C6orf136: variants seen among roughly 807,000 people sequenced by gnomAD.
C6orf136 encodes the protein uncharacterized protein C6orf136.
A neutral mutation model predicts 44.0 loss-of-function variants in C6orf136; 29 were observed. The ratio of observed to expected loss-of-function variants is 0.66; its 90% confidence interval spans 0.49 to 0.90. The LOEUF is 0.90. Ranked by LOEUF, C6orf136 falls within the 40% of genes least tolerant of loss-of-function variation. C6orf136 has a pLI of 0.00. For missense variants in C6orf136, 628 were observed against 669.3 expected, an observed-to-expected ratio of 0.94 and a Z score of 0.68; for synonymous variants, 293 against 278.6, an observed-to-expected ratio of 1.05 and a Z score of -0.52.
At position 30,649,583 on chromosome 6, in the gene C6orf136, C is replaced by T. The variant is rs748124689; in HGVS notation, c.641C>T (p.Pro214Leu). 1.3e-6 allele frequency: 2 copies of T among 1,586,846 alleles called. No individual in the cohort carries two copies. Among genetic ancestry groups the T allele is most frequent in the Non-Finnish European group, 1.7e-6 (2 of 1,173,220 alleles). ...TEDQLYPGTL[P>L]FPPLWPHSTT... ...GACCAGCTTTATCCAGGGACTCTAC[C>T]ATTCCCACCCCTTTGGCCCCACTCC... Residue 214 changes from proline to leucine, a missense_variant, in exon 2 of 6, where the codon CCA (proline) becomes CTA (leucine). By Grantham distance (98) the Pro-to-Leu change is moderately conservative. This residue lies in a region of C6orf136 where 497 missense variants were observed against 469.2 expected (regional missense o/e 1.06). Coordinates refer to ENST00000651131, the MANE Select transcript of C6orf136 (RefSeq NM_001161376.2).
intron 4 of C6orf136, 116 bp downstream of exon 4, chr6:30,651,582 C>T (rs1443469167): frequency 3.6e-5 from 36 of 987,552 alleles, no homozygotes; most frequent in Non-Finnish European, 5.3e-5. Flanking sequence ...TCTCAGCTCA[C>T]TGCAGCCTCT....
In C6orf136 at chr6:30,647,693, G is replaced by A. The variant is rs1347034005; in HGVS notation, c.462G>A (p.Gly154=). ...RSSPAQTRPA[G]RPQQPARLAL... is the part of the protein sequence containing the mutation. The stretch of plus-strand genomic sequence containing the variant: ...CCCCGGCCCAGACCAGACCCGCGGG[G>A]CGCCCTCAGCAGCCCGCCCGTCTTG... The change falls in exon 1 of 6, where the codon GGG becomes GGA. Residue 154 remains glycine, a synonymous_variant. Coordinates refer to ENST00000651131, the MANE Select transcript of C6orf136 (RefSeq NM_001161376.2). This position sits in a 1 kb window ranked among gnomAD's most constrained non-coding sequence, Gnocchi z 4.8. 6.5e-7 allele frequency: 1 copy of A among 1,550,118 alleles called. No homozygotes were observed. The highest frequency in any genetic ancestry group is 8.7e-7 in the Non-Finnish European group (1 of 1,146,706).
rs554341893 is a variant in C6orf136 at position 30,652,932 on chromosome 6, G to A, written c.*17G>A. ...AAGCCCTGATCCTTGACCTTGGAGT[G>A]GAGGCAGCACTGAAGACTGCTACGC... is the stretch of plus-strand genomic sequence containing the variant. On this transcript the variant is annotated 3_prime_UTR_variant, in exon 6 of 6. Transcript: ENST00000651131. 4.4e-6 allele frequency: 7 copies of A among 1,602,192 alleles called. No individual in the cohort carries two copies. In the African/African-American group the frequency reaches 5.3e-5, roughly 12 times the overall value.
In C6orf136 at chr6:30,647,352, T is replaced by G; in HGVS notation, c.121T>G (p.Ser41Ala). 1 of 1,537,898 alleles carries G rather than the reference T, an allele frequency of 6.5e-7. No individual in the cohort carries two copies. Among genetic ancestry groups the G allele is most frequent in the Non-Finnish European group, 8.7e-7 (1 of 1,148,248 alleles). Residue 41 changes from serine to alanine, a missense_variant, in exon 1 of 6, where the codon TCC becomes GCC. Ser to Ala is a moderately conservative substitution (Grantham distance 99). This residue lies in a region of C6orf136 where 497 missense variants were observed against 469.2 expected (regional missense o/e 1.06). Transcript: ENST00000651131. This position sits in a 1 kb window ranked among gnomAD's most constrained non-coding sequence, Gnocchi z 4.8. ...GAGGAGAGGGGGCGGGGAGAGACCC[T>G]CCTCAAAGCCGGTGCGTGGGGCGGA... ...GGRRGGGERP[S>A]SKPVRGAERA...
At position 30,649,713 on chromosome 6, in the gene C6orf136, C is replaced by A. The variant is rs1048181898; in HGVS notation, c.771C>A (p.Ile257=). ...PQVPPLPLPQ[I]QALSSAWVVL... ...TTCCCCCACTACCTCTCCCTCAGAT[C>A]CAGGCCCTCAGCTCAGCATGGGTGG... is the stretch of plus-strand genomic sequence containing the variant. Residue 257 remains isoleucine, a synonymous_variant, in exon 2 of 6, where the codon ATC becomes ATA. Coordinates refer to ENST00000651131, the MANE Select transcript of C6orf136 (RefSeq NM_001161376.2). 3 of 1,612,998 alleles carry A rather than the reference C, an allele frequency of 1.9e-6. No individual in the cohort carries two copies. In the African/African-American group the frequency reaches 4.0e-5, roughly 22 times the overall value.
At position 30,651,455 on chromosome 6, in the gene C6orf136, C is replaced by T. The variant is rs369215354; in HGVS notation, c.1296C>T (p.Asp432=). 103 of 1,607,712 alleles carry T rather than the reference C, an allele frequency of 6.4e-5. No homozygotes were observed. The African/African-American group carries it at 9.4e-4, about 15-fold the overall frequency. The part of the protein sequence containing the change: ...LFLRFYKRDK[D]EHYRTYDAYS... ...TGCGGTTCTACAAGCGTGACAAAGA[C>T]GAGCATTACCGGTAAGAGAGAAATG... The change falls in exon 4 of 6, where the codon GAC becomes GAT. Residue 432 remains aspartate, a synonymous_variant. Transcript: ENST00000651131.
Position 30,649,782 on chromosome 6 carries a change from G to A in C6orf136, c.840G>A (p.Leu280=). The change falls in exon 2 of 6, where the codon TTG becomes TTA. Residue 280 remains leucine (L), a synonymous_variant. Coordinates refer to ENST00000651131, the MANE Select transcript of C6orf136 (RefSeq NM_001161376.2). ...GGGAGGAGGGACCAGGACCTGAGTT[G>A]CATAGCGGCTGCCTGGATGGGCTTA... ...GKGEEGPGPE[L]HSGCLDGLRS... is the part of the protein sequence containing the mutation. 6.2e-7 allele frequency: 1 copy of A among 1,614,102 alleles called. No individual in the cohort carries two copies. The highest frequency in any genetic ancestry group is 8.5e-7 in the Non-Finnish European group (1 of 1,180,014).
Position 30,647,253 on chromosome 6 carries a change from G to T in C6orf136, c.22G>T (p.Ala8Ser), listed in dbSNP as rs1336233722. The change falls in exon 1 of 6, where the codon GCG becomes TCG. Residue 8 changes from alanine to serine, a missense_variant. Ala to Ser is a moderately conservative substitution (Grantham distance 99, BLOSUM62 1). Around this residue, in one of 2 missense-constraint regions of C6orf136, gnomAD observed 497 missense variants for 469.2 expected, o/e 1.06. Transcript: ENST00000651131. This position sits in a 1 kb window ranked among gnomAD's most constrained non-coding sequence, Gnocchi z 4.8. ...GATCATGTACCAGCCCAGCCGGGGT[G>T]CGGCCCGGCGTCTCGGCCCTTGCCT... MYQPSRG[A>S]ARRLGPCLRA... is the part of the protein sequence containing the mutation. 1 of 1,596,786 alleles carries T rather than the reference G, an allele frequency of 6.3e-7. No homozygotes were observed. The highest frequency in any genetic ancestry group is 8.5e-7 in the Non-Finnish European group (1 of 1,174,312).
At position 30,647,709 on chromosome 6, in the gene C6orf136, G is replaced by C; in HGVS notation, c.478G>C (p.Ala160Pro). The change falls in exon 1 of 6, where the codon GCC (alanine) becomes CCC (proline). Residue 160 changes from alanine to proline, a missense_variant. Ala to Pro is a conservative substitution (Grantham distance 27, BLOSUM62 -1). Coordinates refer to ENST00000651131, the MANE Select transcript of C6orf136 (RefSeq NM_001161376.2). The surrounding 1 kb of genome is among the most constrained non-coding windows in gnomAD (Gnocchi z 4.8). The part of the protein sequence containing the change: ...TRPAGRPQQP[A>P]RLALGERSWQ... ...ACCCGCGGGGCGCCCTCAGCAGCCC[G>C]CCCGTCTTGCACTCGGAGAGCGGTC... 2.6e-6 allele frequency: 4 copies of C among 1,550,050 alleles called. No individual in the cohort carries two copies. The highest frequency in any genetic ancestry group is 2.6e-6 in the Non-Finnish European group (3 of 1,146,706).
In C6orf136 at chr6:30,647,948, C is replaced by T; in HGVS notation, c.615+102C>T. ...GTGAGGCCTAACTTTGGGTGACCTC[C>T]CCTTGCAGTTTCAACGTCGGTAAAC... On this transcript the variant is annotated intron_variant, in intron 1 of 5. Coordinates refer to ENST00000651131, the MANE Select transcript of C6orf136 (RefSeq NM_001161376.2). This position sits in a 1 kb window ranked among gnomAD's most constrained non-coding sequence, Gnocchi z 4.8. 7.1e-7 allele frequency: 1 copy of T among 1,403,134 alleles called. No homozygotes were observed. The highest frequency in any genetic ancestry group is 1.5e-5 in the African/African-American group (1 of 67,488). The allele number at this position is 1,403,134 out of a possible 1,614,324, so 86.9% of individuals were successfully genotyped here.
At chr6:30,651,156 C>A in intron 3 of C6orf136, 74 bp downstream of exon 3, 1 of 1,566,550 alleles carries the variant, frequency 6.4e-7, no homozygotes, top group Non-Finnish European at 8.8e-7. Flanking sequence ...CTTTTCACTT[C>A]CCAGAGAAGT....
chr6:30,651,537 CA>C (rs1767422714), intron 4 of C6orf136, 71 bp downstream of exon 4: 3 of 1,445,236 alleles, frequency 2.1e-6, no homozygotes, highest in Non-Finnish European at 1.9e-6. Context: ...GACGGAGTCT[CA>C]CTCTGTCACC....
chr6:30,647,856 C>T lies in C6orf136; in HGVS notation c.615+10C>T. 6.8e-7 allele frequency: 1 copy of T among 1,468,234 alleles called. No homozygotes were observed. Among genetic ancestry groups the T allele is most frequent in the Non-Finnish European group, 9.0e-7 (1 of 1,110,348 alleles). The allele number at this position is 1,468,234 out of a possible 1,614,324, so 91.0% of individuals were successfully genotyped here. A position where few individuals can be genotyped will look rare whatever the true frequency, so the allele number is the denominator to read the frequency against. ...ACCATCGGGGACCGAGGTACCCGAG[C>T]GGTCCGCCCGCCTTCCCTGCAGTGA... On this transcript the variant is annotated intron_variant, in intron 1 of 5. Coordinates refer to ENST00000651131, the MANE Select transcript of C6orf136 (RefSeq NM_001161376.2). This position sits in a 1 kb window ranked among gnomAD's most constrained non-coding sequence, Gnocchi z 4.8.
Position 30,653,106 on chromosome 6 carries a change from A to G in C6orf136, c.*191A>G. The G allele has an allele frequency of 8.4e-7, 1 of 1,185,476 alleles. No homozygotes were observed. The highest frequency in any genetic ancestry group is 1.6e-5 in the South Asian group (1 of 63,768). 73.4% of individuals were successfully genotyped at this position (1,185,476 alleles called of 1,614,324 possible). On this transcript the variant is annotated 3_prime_UTR_variant, in exon 6 of 6. Coordinates refer to ENST00000651131, the MANE Select transcript of C6orf136 (RefSeq NM_001161376.2). ...TAAAGTTTAACTGACTATATGAGAT[A>G]GAATTTCACATATCACTTTCTCTAG...
chr6:30,652,109 G>A (rs1306220131), intron 4 of C6orf136, among the ~76,000 whole-genome samples: 1 of 151,986 alleles, frequency 6.6e-6, no homozygotes, highest in Non-Finnish European at 1.5e-5. Context: ...CCAGTGTGGT[G>A]GTACACACCT....
rs959713855 is a variant in C6orf136, at chr6:30,651,442, A to G, written c.1283A>G (p.Lys428Arg). The G allele has an allele frequency of 6.2e-7, 1 of 1,610,022 alleles. No individual in the cohort carries two copies. The highest frequency in any genetic ancestry group is 1.7e-5 in the Admixed American group (1 of 60,020). The change falls in exon 4 of 6, where the codon AAG (lysine) becomes AGG (arginine). Residue 428 changes from lysine (K) to arginine (R), a missense_variant. Coordinates refer to ENST00000651131, the MANE Select transcript of C6orf136 (RefSeq NM_001161376.2). ...PVHLLFLRFYKRDKDEHYRTY... is the reference protein window; with the variant it reads ...PVHLLFLRFYRRDKDEHYRTY... ...CACTTGCTCTTTTTGCGGTTCTACA[A>G]GCGTGACAAAGACGAGCATTACCGG...
chr6:30,652,544 C>G (rs1767532339), intron 4 of C6orf136, 104 bp from the exon 5 acceptor site: 1 of 1,024,100 alleles, frequency 9.8e-7, no homozygotes, highest in East Asian at 2.4e-5. Context: ...CCCAGGTGAT[C>G]TAATATGTAG....
Position 30,647,413 on chromosome 6 carries a change from C to CGCG in C6orf136, c.184_185insGGC (p.Pro61_Pro62insArg), listed in dbSNP as rs899121199. The stretch of plus-strand genomic sequence containing the variant: ...GGTTCCGCGCAGGCGCAGAGACACC[C>CGCG]GCCGCCCCTTCCCACCTGTGCCCTG... On this transcript the variant is annotated inframe_insertion, in exon 1 of 6. Transcript: ENST00000651131. This position sits in a 1 kb window ranked among gnomAD's most constrained non-coding sequence, Gnocchi z 4.8. 3.1e-5 allele frequency: 45 copies of CGCG among 1,468,550 alleles called. No individual in the cohort carries two copies. The highest frequency in any genetic ancestry group is 4.1e-5 in the Non-Finnish European group (45 of 1,108,232). 91.0% of individuals were successfully genotyped at this position (1,468,550 alleles called of 1,614,324 possible).
At chr6:30,651,961 A>C (rs779236543) in intron 4 of C6orf136, among the ~76,000 whole-genome samples, 33 of 151,976 alleles carry the variant, frequency 2.2e-4, no homozygotes, top group Non-Finnish European at 4.0e-4. Context: ...TCAAATACTT[A>C]CTGAACAGAC....
Sources: allele counts gnomAD v4.1 joint callset (sites outside exome capture counted in the v4.1 genomes callset), GRCh38; gene constraint gnomAD v4.1.1; regional missense constraint gnomAD v4.1.1; non-coding constraint Gnocchi (gnomAD v3.1); transcripts MANE v1.5; gene names NCBI Gene and HGNC (gene_info 2026-07-23, HGNC 2026-07-21).